Variants in ULK4 observed in about 807,000 individuals in gnomAD.
ULK4 encodes the protein inactive serine/threonine-protein kinase ULK4.
In ULK4, 133 loss-of-function variants were observed where a neutral mutation model predicts 160.6. The observed-to-expected ratio is 0.83, with a 90% confidence interval of 0.72 to 0.96. The LOEUF is 0.96. Ranked by LOEUF, ULK4 falls within the 40% of genes least tolerant of loss-of-function variation. The probability of loss-of-function intolerance (pLI) is 0.00; values close to 1 mark genes in which losing one functional copy is unlikely to be tolerated. For missense variants in ULK4, 1,580 were observed against 1,499.5 expected, an observed-to-expected ratio of 1.05 and a Z score of -0.89; for synonymous variants, 534 against 539.8, an observed-to-expected ratio of 0.99 and a Z score of 0.15.
chr3:41,285,877 G>A (rs2079447953), intron 35 of ULK4, among the ~76,000 whole-genome samples: 1 of 152,186 alleles, frequency 6.6e-6, no homozygotes, highest in African/African-American at 2.4e-5. Context: ...GAAGCGGGGA[G>A]GAGAATGAAT....
At chr3:41,362,218 A>C (rs1277929798) in intron 35 of ULK4, among the ~76,000 whole-genome samples, 1 of 152,232 alleles carries the variant, frequency 6.6e-6, no homozygotes, top group Admixed American at 6.5e-5. Flanking sequence ...AAAAAATGCA[A>C]CTTCTCCAGT....
At chr3:41,695,518 T>C (rs959349172) in intron 27 of ULK4, among the ~76,000 whole-genome samples, 1 of 152,178 alleles carries the variant, frequency 6.6e-6, no homozygotes, top group Non-Finnish European at 1.5e-5. Context: ...GAATAGAGTA[T>C]GTCACAAAGA....
chr3:41,818,360 T>G (rs112179145), intron 19 of ULK4, among the ~76,000 whole-genome samples: 157 of 152,328 alleles, frequency 1.0e-3, no homozygotes, highest in African/African-American at 3.5e-3. Flanking sequence ...TTTGACACAT[T>G]CCACTTTATA....
chr3:41,830,700 T>C (rs1478329826), intron 18 of ULK4, among the ~76,000 whole-genome samples: 1 of 152,192 alleles, frequency 6.6e-6, no homozygotes, highest in African/African-American at 2.4e-5. Flanking sequence ...ACTACTCTTC[T>C]AATGAAAGCA....
intron 35 of ULK4, among the ~76,000 whole-genome samples, chr3:41,372,028 C>G (rs1575479872): frequency 6.6e-6 from 1 of 151,160 alleles, no homozygotes; most frequent in Admixed American, 6.6e-5. Flanking sequence ...ATCAATCAAG[C>G]AGAAGAAAGG....
chr3:41,408,385 A>C (rs1170174138), intron 34 of ULK4, among the ~76,000 whole-genome samples: 1 of 140,992 alleles, frequency 7.1e-6, no homozygotes, highest in South Asian at 2.4e-4. Flanking sequence ...CCGAGATCGC[A>C]CCACTGCACT....
At chr3:41,284,022 C>G (rs1035388253) in intron 35 of ULK4, among the ~76,000 whole-genome samples, 1 of 151,776 alleles carries the variant, frequency 6.6e-6, no homozygotes, top group East Asian at 1.9e-4. Context: ...ACCAAGGAGC[C>G]AAAAAGACCT....
chr3:41,611,295 C>T (rs1396385862), intron 31 of ULK4, among the ~76,000 whole-genome samples: 1 of 152,166 alleles, frequency 6.6e-6, no homozygotes, highest in Non-Finnish European at 1.5e-5. Flanking sequence ...GAGGTCTCAC[C>T]CAGGGGGCTC....
intron 25 of ULK4, among the ~76,000 whole-genome samples, chr3:41,710,749 G>A (rs370949751): frequency 5.3e-5 from 8 of 150,726 alleles, no homozygotes; most frequent in Admixed American, 1.3e-4. Flanking sequence ...AGCCGAGATC[G>A]CTCCGCTGCA....
At chr3:41,941,036 C>T (rs1405128978) in intron 2 of ULK4, among the ~76,000 whole-genome samples, 1 of 141,532 alleles carries the variant, frequency 7.1e-6, no homozygotes, top group Non-Finnish European at 1.5e-5. Flanking sequence ...TGTTCTTAAC[C>T]TTTTTTTTTT....
chr3:41,781,693 C>T (rs991583545), intron 21 of ULK4, among the ~76,000 whole-genome samples: 13 of 152,178 alleles, frequency 8.5e-5, no homozygotes, highest in Admixed American at 4.6e-4. Flanking sequence ...AATCCCAGCA[C>T]TCTGGGAGGC....
chr3:41,844,810 AACAG>A (rs1326504014), intron 17 of ULK4, among the ~76,000 whole-genome samples: 1 of 147,942 alleles, frequency 6.8e-6, no homozygotes, highest in Non-Finnish European at 1.5e-5. Context: ...AAAAAAAAAA[AACAG>A]CAACTAAATA....
At chr3:41,692,106 C>T (rs1244547935) in intron 27 of ULK4, among the ~76,000 whole-genome samples, 3 of 151,312 alleles carry the variant, frequency 2.0e-5, no homozygotes, top group Non-Finnish European at 4.4e-5. Context: ...CGCCCACCAC[C>T]GCCCCCGGCT....
At chr3:41,800,046 T>C in intron 20 of ULK4, 86 bp downstream of exon 20, 1 of 1,237,264 alleles carries the variant, frequency 8.1e-7, no homozygotes, top group Non-Finnish European at 1.1e-6. Context: ...ATCTATTAAA[T>C]TAAATTTATT....
intron 30 of ULK4, among the ~76,000 whole-genome samples, chr3:41,646,673 G>A (rs1161337847): frequency 6.6e-6 from 1 of 152,070 alleles, no homozygotes; most frequent in Non-Finnish European, 1.5e-5. Context: ...TATGTGTCTT[G>A]GAGTTGCTCT....
chr3:41,883,949 C>T lies in ULK4; in HGVS notation c.1581G>A (p.Arg527=), dbSNP rs373151798. Residue 527 remains arginine (R), a synonymous_variant, in exon 17 of 37, where the codon CGG becomes CGA. Transcript: ENST00000301831. ...AACCAATTACGTGAGCAACCTTGGC[C>T]CGTCTGTAAATGGAGAGAAAACAGG... The part of the protein sequence containing the change: ...HLRIAPNWDI[R]AKVAHVIGLL... 4.0e-5 allele frequency: 64 copies of T among 1,608,224 alleles called. No homozygotes were observed. Among genetic ancestry groups the T allele is most frequent in the Non-Finnish European group, 5.4e-5 (64 of 1,174,676 alleles).
intron 32 of ULK4, among the ~76,000 whole-genome samples, chr3:41,543,374 G>T (rs944031575): frequency 1.4e-5 from 2 of 148,046 alleles, no homozygotes; most frequent in African/African-American, 5.0e-5. Context: ...CAAGATCCTT[G>T]ATTAGGAAGC....
intron 18 of ULK4, among the ~76,000 whole-genome samples, chr3:41,822,018 A>G (rs1233166394): frequency 9.2e-5 from 14 of 152,066 alleles, no homozygotes; most frequent in Admixed American, 9.2e-4. Context: ...ACTCTCATCC[A>G]GGCTCTCAGA....
intron 30 of ULK4, among the ~76,000 whole-genome samples, chr3:41,630,052 A>G (rs928629606): frequency 6.6e-6 from 1 of 152,208 alleles, no homozygotes; most frequent in Non-Finnish European, 1.5e-5. Flanking sequence ...ACCTGTTAAT[A>G]GGCCACTACA....
Sources: allele counts gnomAD v4.1 joint callset (sites outside exome capture counted in the v4.1 genomes callset), GRCh38; gene constraint gnomAD v4.1.1; transcripts MANE v1.5; gene names NCBI Gene and HGNC (gene_info 2026-07-23, HGNC 2026-07-21).